The following KIF16B variants were observed in gnomAD, a reference collection of about 807,000 sequenced individuals.
The protein encoded by KIF16B is kinesin-like protein KIF16B.
In KIF16B, 98 loss-of-function variants were observed where a neutral mutation model predicts 156.3. The ratio of observed to expected loss-of-function variants is 0.63; its 90% CI spans 0.53 to 0.74. The LOEUF (loss-of-function observed/expected upper bound fraction) is 0.74. Among genes scored for constraint, KIF16B ranks in the 30% least tolerant of loss-of-function variants. The pLI, the probability that KIF16B is intolerant of heterozygous loss-of-function variation, is 0.00. For synonymous variants in KIF16B, 564 were observed against 583.7 expected (o/e 0.97, Z 0.49); for missense variants, 1,421 against 1,606.5 (o/e 0.88, Z 1.97).
chr20:16,408,782 G>A (rs2065848197), intron 15 of KIF16B, among the ~76,000 whole-genome samples: 1 of 152,090 alleles, frequency 6.6e-6, no homozygotes, highest in Admixed American at 6.6e-5. Flanking sequence ...TCTAGATAAT[G>A]TTTGAGTCAA....
intron 25 of KIF16B, among the ~76,000 whole-genome samples, chr20:16,283,396 C>A (rs2063176324): frequency 1.3e-5 from 2 of 152,164 alleles, no homozygotes; most frequent in South Asian, 4.1e-4. Context: ...TGACCAGAGG[C>A]AAGACAACTT....
chr20:16,314,972 T>C (rs1350381035), intron 24 of KIF16B, among the ~76,000 whole-genome samples: 1 of 152,182 alleles, frequency 6.6e-6, no homozygotes, highest in Non-Finnish European at 1.5e-5. Context: ...GATGCTGTGG[T>C]GCTGAAAGCT....
intron 10 of KIF16B, among the ~76,000 whole-genome samples, chr20:16,501,290 AAGAATTGAATT>A (rs2068615143): frequency 2.2e-5 from 2 of 92,646 alleles, no homozygotes; most frequent in Non-Finnish European, 5.7e-5. Flanking sequence ...GTTCAATACC[AAGAATTGAATT>A]CTTGGTTCAA....
At chr20:16,512,237 C>T (rs2068978388) in intron 5 of KIF16B, among the ~76,000 whole-genome samples, 1 of 152,038 alleles carries the variant, frequency 6.6e-6, no homozygotes, top group African/African-American at 2.4e-5. Context: ...TCCACAATAC[C>T]CAGAGATAGG....
chr20:16,395,202 GGAAGA>G lies in KIF16B; in HGVS notation c.1784+9606_1784+9610del, dbSNP rs749581476. ...GGAAGGGGAGAGGAGGGGAGAGGAG[GGAAGA>G]GGAGGGGAGGGGAGGGGAGAGGAGG... On this transcript the variant is annotated intron_variant, in intron 17 of 25. Coordinates refer to ENST00000354981, the MANE Select transcript of KIF16B (RefSeq NM_024704.5). 3.7e-3 allele frequency among the ~76,000 whole-genome samples: 288 copies of G among 78,496 alleles called. 3 individuals carry two copies. Among genetic ancestry groups the G allele is most frequent in the Non-Finnish European group, 6.3e-3 (225 of 35,974 alleles). The allele number at this position is 78,496 out of a possible 152,430, so 51.5% of individuals were successfully genotyped here. A position where few individuals can be genotyped will look rare whatever the true frequency, so the allele number is the denominator to read the frequency against.
intron 1 of KIF16B, among the ~76,000 whole-genome samples, chr20:16,537,372 C>A (rs16997837): frequency 1.3e-5 from 2 of 151,778 alleles, no homozygotes; most frequent in Admixed American, 1.3e-4. Context: ...TCTATCCTAT[C>A]CCCTAGTTAG....
chr20:16,564,069 G>C (rs937280226), intron 1 of KIF16B, among the ~76,000 whole-genome samples: 3 of 152,046 alleles, frequency 2.0e-5, no homozygotes, highest in African/African-American at 7.2e-5. Flanking sequence ...AACAAAAAGA[G>C]ACAAACAAAA....
intron 25 of KIF16B, among the ~76,000 whole-genome samples, chr20:16,288,562 A>G (rs6111013): frequency 8.1e-3 from 798 of 98,010 alleles, no homozygotes; most frequent in East Asian, 0.013. Context: ...ACCTTAGTAA[A>G]CACAGTATGT....
intron 23 of KIF16B, among the ~76,000 whole-genome samples, chr20:16,346,109 G>GCTTCCCC (rs1370535897): frequency 6.6e-6 from 1 of 152,186 alleles, no homozygotes; most frequent in East Asian, 1.9e-4. Flanking sequence ...ATCCAAGCAG[G>GCTTCCCC]CTTCCCCCTC....
rs536628317 is a variant in KIF16B, at chr20:16,384,660, G to A, written c.1785-2913C>T. Reference sequence around the variant, plus strand: ...ATGGGTGGGGGAGCAATATGAGAAGGCAGAGACAAGTTAGTGGTAGCAACT... The same window carrying A: ...ATGGGTGGGGGAGCAATATGAGAAGACAGAGACAAGTTAGTGGTAGCAACT... On this transcript the variant is annotated intron_variant, in intron 17 of 25. Transcript: ENST00000354981. 3.9e-5 allele frequency among the ~76,000 whole-genome samples: 6 copies of A among 152,206 alleles called. No individual in the cohort carries two copies. In the South Asian group the frequency reaches 1.2e-3, roughly 32 times the overall value.
chr20:16,424,603 T>C (rs2066308298), intron 15 of KIF16B, among the ~76,000 whole-genome samples: 1 of 152,162 alleles, frequency 6.6e-6, no homozygotes, highest in Non-Finnish European at 1.5e-5. Flanking sequence ...TGTCTTTCTT[T>C]CCCTCATTCT....
chr20:16,481,207 G>C (rs2067974620), intron 12 of KIF16B, among the ~76,000 whole-genome samples: 1 of 152,158 alleles, frequency 6.6e-6, no homozygotes, highest in Non-Finnish European at 1.5e-5. Context: ...CTGTATGGAA[G>C]TGGTTTCAAG....
At chr20:16,431,424 C>T (rs1196217527) in intron 12 of KIF16B, among the ~76,000 whole-genome samples, 5 of 152,152 alleles carry the variant, frequency 3.3e-5, no homozygotes, top group Non-Finnish European at 7.3e-5. Flanking sequence ...CACTCCTCTC[C>T]AGGGATAGAG....
intron 12 of KIF16B, among the ~76,000 whole-genome samples, chr20:16,477,239 G>A (rs190604191): frequency 2.0e-5 from 3 of 148,188 alleles, no homozygotes; most frequent in East Asian, 3.9e-4. Flanking sequence ...AAGACAGTGA[G>A]GAGTTTAGCC....
intron 15 of KIF16B, among the ~76,000 whole-genome samples, chr20:16,410,050 G>C (rs1262225868): frequency 3.7e-5 from 2 of 53,972 alleles, no homozygotes; most frequent in Non-Finnish European, 6.6e-5. Context: ...TATATATGTT[G>C]GTACATATAT....
At chr20:16,310,527 C>T (rs1055342411) in intron 25 of KIF16B, among the ~76,000 whole-genome samples, 2 of 152,164 alleles carry the variant, frequency 1.3e-5, no homozygotes, top group African/African-American at 4.8e-5. Context: ...CCTGAGTAGC[C>T]AGGGATGACA....
At chr20:16,407,992 G>A (rs1262413736) in intron 15 of KIF16B, among the ~76,000 whole-genome samples, 1 of 152,108 alleles carries the variant, frequency 6.6e-6, no homozygotes, top group Non-Finnish European at 1.5e-5. Flanking sequence ...CCTTTGCACA[G>A]GTGACCTCTG....
intron 12 of KIF16B, among the ~76,000 whole-genome samples, chr20:16,438,418 C>G (rs974290794): frequency 6.6e-6 from 1 of 152,018 alleles, no homozygotes; most frequent in East Asian, 1.9e-4. Context: ...AGTTATTGTT[C>G]ATCTCTTACT....
At chr20:16,500,779 C>G (rs1487589295) in intron 10 of KIF16B, among the ~76,000 whole-genome samples, 1 of 152,070 alleles carries the variant, frequency 6.6e-6, no homozygotes, top group Non-Finnish European at 1.5e-5. Flanking sequence ...TGAGATGTGT[C>G]TTCTTTAAAA....
Sources: gnomAD v4.1 joint callset for allele counts (sites outside exome capture counted in the v4.1 genomes callset) on GRCh38, gnomAD v4.1.1 for gene constraint, MANE v1.5 for transcripts, NCBI Gene and HGNC (gene_info 2026-07-23, HGNC 2026-07-21) for gene names.